MAP2K5: variants seen among roughly 807,000 people sequenced by gnomAD.
The protein encoded by MAP2K5 is mitogen-activated protein kinase kinase 5, also known as dual specificity mitogen-activated protein kinase kinase 5.
In MAP2K5, 49 loss-of-function variants were observed where a neutral mutation model predicts 83.1. The ratio of observed to expected loss-of-function variants is 0.59; its 90% CI spans 0.47 to 0.75. MAP2K5 has a LOEUF of 0.75. MAP2K5 is among the 30% of genes least tolerant of loss of function. MAP2K5 has a pLI of 0.00. For synonymous variants in MAP2K5, 202 were observed against 191.8 expected, an observed-to-expected ratio of 1.05 and a Z score of -0.44; for missense variants, 457 against 557.5, an observed-to-expected ratio of 0.82 and a Z score of 1.82.
At chr15:67,735,636 A>G (rs2089323224) in intron 17 of MAP2K5, among the ~76,000 whole-genome samples, 1 of 152,344 alleles carries the variant, frequency 6.6e-6, no homozygotes, top group Non-Finnish European at 1.5e-5. Context: ...TCAAGAGGAA[A>G]AGGGAGTGGT....
intron 21 of MAP2K5, among the ~76,000 whole-genome samples, chr15:67,796,105 T>G (rs1043436556): frequency 4.6e-5 from 7 of 152,226 alleles, no homozygotes; most frequent in Non-Finnish European, 1.5e-5. Flanking sequence ...TGCATTTTGT[T>G]GTTGATGTTT....
At position 67,748,199 on chromosome 15, in the gene MAP2K5, T is replaced by A; in HGVS notation, c.1075-32T>A. On this transcript the variant is annotated intron_variant, in intron 17 of 21. Coordinates refer to ENST00000178640, the MANE Select transcript of MAP2K5 (RefSeq NM_145160.3). This position sits in a 1 kb window ranked among gnomAD's most constrained non-coding sequence, Gnocchi z 4.0. ...GTGTCCAAGTGAGTCATTTTGATTA[T>A]GACATGCTAATTACATATTGCCTTT... 6.4e-7 allele frequency: 1 copy of A among 1,555,672 alleles called. No individual in the cohort carries two copies. The highest frequency in any genetic ancestry group is 8.9e-7 in the Non-Finnish European group (1 of 1,128,034).
intron 21 of MAP2K5, among the ~76,000 whole-genome samples, chr15:67,784,177 T>G (rs976750751): frequency 2.0e-5 from 3 of 152,226 alleles, no homozygotes; most frequent in African/African-American, 7.2e-5. Flanking sequence ...TTATTCCCAT[T>G]TTACTGATGC....
intron 21 of MAP2K5, among the ~76,000 whole-genome samples, chr15:67,788,760 G>A (rs1348650964): frequency 6.6e-6 from 1 of 152,006 alleles, no homozygotes; most frequent in Non-Finnish European, 1.5e-5. Context: ...GATCACTTTC[G>A]CCCAGGAGTT....
Position 67,750,106 on chromosome 15 carries a change from A to G in MAP2K5, c.1134+1505A>G, listed in dbSNP as rs1385778093. Among the ~76,000 whole-genome samples, 1 of 152,214 alleles carries G rather than the reference A, an allele frequency of 6.6e-6. No individual in the cohort carries two copies. Among genetic ancestry groups the G allele is most frequent in the African/African-American group, 2.4e-5 (1 of 41,454 alleles). On this transcript the variant is annotated intron_variant, in intron 19 of 21. Transcript: ENST00000178640. This position sits in a 1 kb window ranked among gnomAD's most constrained non-coding sequence, Gnocchi z 4.2. ...TCAATTTAAAATATCTTACTTGTTT[A>G]ATTTGGGCAAAATCATGAGACTTTT...
At chr15:67,617,518 G>A (rs995595261) in intron 8 of MAP2K5, among the ~76,000 whole-genome samples, 3 of 152,142 alleles carry the variant, frequency 2.0e-5, no homozygotes, top group African/African-American at 7.2e-5. Flanking sequence ...CCTAGAATTT[G>A]AAATTCTAGG....
At chr15:67,605,506 T>G (rs1402935810) in intron 8 of MAP2K5, among the ~76,000 whole-genome samples, 3 of 152,242 alleles carry the variant, frequency 2.0e-5, no homozygotes, top group Admixed American at 2.0e-4. Context: ...ATGTATTATC[T>G]TAAATACAAT....
intron 11 of MAP2K5, among the ~76,000 whole-genome samples, chr15:67,648,423 C>T (rs371006879): frequency 1.3e-5 from 2 of 152,116 alleles, no homozygotes; most frequent in East Asian, 3.8e-4. Flanking sequence ...CTTTTTATTG[C>T]TGAATAACAT....
intron 4 of MAP2K5, 93 bp downstream of exon 4, chr15:67,580,916 G>C (rs2085167568): frequency 3.6e-6 from 3 of 835,078 alleles, no homozygotes; most frequent in Non-Finnish European, 4.1e-6. Flanking sequence ...CACATAACAT[G>C]ATGTTTAGCT....
rs975063720 is a variant in MAP2K5, at chr15:67,782,738, C to T, written c.1242+9986C>T. ...CACAGCTTTGCCTCTGGAATACTCTCGCTCTAACTCTGGGGAAGGCAGATC... is the reference window on the plus strand; with the variant it reads ...CACAGCTTTGCCTCTGGAATACTCTTGCTCTAACTCTGGGGAAGGCAGATC... On this transcript the variant is annotated intron_variant, in intron 21 of 21. Coordinates refer to ENST00000178640, the MANE Select transcript of MAP2K5 (RefSeq NM_145160.3). This position sits in a 1 kb window ranked among gnomAD's most constrained non-coding sequence, Gnocchi z 4.9. Among the ~76,000 whole-genome samples, 5 of 152,194 alleles carry T rather than the reference C, an allele frequency of 3.3e-5. No individual in the cohort carries two copies. The highest frequency in any genetic ancestry group is 4.8e-5 in the African/African-American group (2 of 41,448).
At chr15:67,564,756 A>T (rs189854700) in intron 3 of MAP2K5, among the ~76,000 whole-genome samples, 1 of 152,340 alleles carries the variant, frequency 6.6e-6, no homozygotes, top group East Asian at 1.9e-4. Flanking sequence ...AGAATGTGAC[A>T]TGCTTATTTT....
At chr15:67,711,601 T>C (rs1025453396) in intron 16 of MAP2K5, among the ~76,000 whole-genome samples, 5 of 152,198 alleles carry the variant, frequency 3.3e-5, no homozygotes. Context: ...AGCTTTAGCT[T>C]ACAGTTTCAC....
At chr15:67,598,009 A>G (rs1279017292) in intron 7 of MAP2K5, among the ~76,000 whole-genome samples, 2 of 152,102 alleles carry the variant, frequency 1.3e-5, no homozygotes, top group Non-Finnish European at 2.9e-5. Flanking sequence ...GTTCGAGACC[A>G]GCCCGGATAT....
intron 3 of MAP2K5, among the ~76,000 whole-genome samples, chr15:67,564,931 T>C (rs1040639826): frequency 4.6e-5 from 7 of 152,242 alleles, no homozygotes; most frequent in African/African-American, 1.7e-4. Context: ...TGTTAGTGGG[T>C]GTGGTCACAG....
At chr15:67,742,688 A>G (rs184272821) in intron 17 of MAP2K5, among the ~76,000 whole-genome samples, 15 of 152,382 alleles carry the variant, frequency 9.8e-5, no homozygotes, top group Admixed American at 5.9e-4. Flanking sequence ...TCATACCATC[A>G]GGAAAAAGAT....
intron 3 of MAP2K5, among the ~76,000 whole-genome samples, chr15:67,564,530 T>C (rs942912339): frequency 6.6e-6 from 1 of 152,302 alleles, no homozygotes; most frequent in Non-Finnish European, 1.5e-5. Context: ...GGTAGGAGAA[T>C]AGAGAACAAG....
chr15:67,614,238 T>C (rs888234258), intron 8 of MAP2K5, among the ~76,000 whole-genome samples: 8 of 152,186 alleles, frequency 5.3e-5, no homozygotes, highest in Non-Finnish European at 1.2e-4. Flanking sequence ...ATAATAATAA[T>C]ATTTACCTCA....
intron 17 of MAP2K5, among the ~76,000 whole-genome samples, chr15:67,739,938 A>G (rs983749241): frequency 3.3e-5 from 5 of 152,192 alleles, no homozygotes; most frequent in African/African-American, 1.2e-4. Flanking sequence ...CTTTCTTACA[A>G]TGCCTAGAAA....
intron 11 of MAP2K5, among the ~76,000 whole-genome samples, chr15:67,653,540 C>G (rs1028303040): frequency 6.6e-6 from 1 of 152,146 alleles, no homozygotes; most frequent in Non-Finnish European, 1.5e-5. Flanking sequence ...AGGTGATCCA[C>G]CCACCTTGGC....
Sources: allele counts gnomAD v4.1 joint callset (sites outside exome capture counted in the v4.1 genomes callset), GRCh38; gene constraint gnomAD v4.1.1; non-coding constraint Gnocchi (gnomAD v3.1); transcripts MANE v1.5; gene names NCBI Gene and HGNC (gene_info 2026-07-23, HGNC 2026-07-21).